Variants in ODAD1 observed in about 807,000 individuals in gnomAD.
ODAD1 encodes outer dynein arm-docking complex subunit 1.
Under a neutral mutation model 67.2 loss-of-function variants are expected in ODAD1, and 49 were observed. The observed-to-expected ratio is 0.73, with a 90% CI of 0.58 to 0.92. The LOEUF (loss-of-function observed/expected upper bound fraction) is 0.92, where lower values mean the gene tolerates loss of function less well. ODAD1 is among the 40% of genes least tolerant of loss of function. The pLI is 0.00. For synonymous variants in ODAD1, 345 were observed against 393.7 expected (o/e 0.88, Z 1.46); for missense variants, 897 against 953.7 (o/e 0.94, Z 0.78).
At chr19:48,314,655 TTG>T (rs1968852158) in intron 5 of ODAD1, among the ~76,000 whole-genome samples, 1 of 152,046 alleles carries the variant, frequency 6.6e-6, no homozygotes, top group South Asian at 2.1e-4. Flanking sequence ...AAATACCCAA[TTG>T]TTGGTGGGCG....
chr19:48,303,037 C>A lies in ODAD1; in HGVS notation c.1047G>T (p.Glu349Asp). 1 of 1,614,102 alleles carries A rather than the reference C, an allele frequency of 6.2e-7. No homozygotes were observed. The highest frequency in any genetic ancestry group is 1.1e-5 in the South Asian group (1 of 91,086). Reference sequence around the variant, plus strand: ...CCTCCTTGATCTCTTCCTGCACATGCTCCAGCTCCAAGTTCTGCTCGTTGA... The same window carrying A: ...CCTCCTTGATCTCTTCCTGCACATGATCCAGCTCCAAGTTCTGCTCGTTGA... ...NFINEQNLEL[E>D]HVQEEIKEMQ... is the part of the protein sequence containing the mutation. The change falls in exon 11 of 16, where the codon GAG (glutamate) becomes GAT (aspartate). Residue 349 changes from glutamate (E) to aspartate (D), a missense_variant. Physicochemically the swap from Glu to Asp is conservative, Grantham distance 45. Coordinates refer to ENST00000674294, the MANE Select transcript of ODAD1 (RefSeq NM_001364171.2).
At chr19:48,308,004 T>C (rs1213646151) in intron 7 of ODAD1, among the ~76,000 whole-genome samples, 1 of 152,066 alleles carries the variant, frequency 6.6e-6, no homozygotes, top group Non-Finnish European at 1.5e-5. Context: ...TGATGGGGTA[T>C]GTCCAAAGGC....
intron 8 of ODAD1, 130 bp from the exon 9 acceptor site, chr19:48,304,270 G>A (rs766995142): frequency 2.7e-5 from 23 of 863,158 alleles, no homozygotes; most frequent in Non-Finnish European, 3.8e-5. Context: ...CAGATGGGCA[G>A]GGCCAGCCTG....
chr19:48,306,184 A>G, intron 8 of ODAD1, 72 bp downstream of exon 8: 2 of 1,544,656 alleles, frequency 1.3e-6, no homozygotes, highest in South Asian at 2.4e-5. Context: ...GAACCTTCCC[A>G]TCACTGCCTT....
At chr19:48,312,823 G>A (rs1968800943) in intron 5 of ODAD1, among the ~76,000 whole-genome samples, 1 of 152,202 alleles carries the variant, frequency 6.6e-6, no homozygotes, top group East Asian at 1.9e-4. Context: ...GGGAGAATGA[G>A]GCCAGTGGAC....
intron 7 of ODAD1, among the ~76,000 whole-genome samples, chr19:48,309,083 A>AC (rs903924663): frequency 2.0e-5 from 3 of 149,912 alleles, no homozygotes; most frequent in Non-Finnish European, 4.4e-5. Context: ...GCACCACCGC[A>AC]CCCCCCTCCC....
intron 7 of ODAD1, among the ~76,000 whole-genome samples, chr19:48,310,978 C>T (rs796289872): frequency 2.0e-5 from 3 of 151,748 alleles, no homozygotes; most frequent in Admixed American, 6.6e-5. Context: ...TTTGGGAGGC[C>T]GAGGAAGGCG....
At chr19:48,311,182 A>C (rs1432601577) in intron 7 of ODAD1, among the ~76,000 whole-genome samples, 2 of 152,212 alleles carry the variant, frequency 1.3e-5, no homozygotes, top group African/African-American at 4.8e-5. Flanking sequence ...ACTGTGCTCC[A>C]GCCTGGACGA....
intron 8 of ODAD1, 169 bp downstream of exon 8, chr19:48,306,087 A>G (rs1238906148): frequency 1.9e-6 from 1 of 534,314 alleles, no homozygotes; most frequent in African/African-American, 2.1e-5. Context: ...GGACCTTGCC[A>G]GTGGAGGTGG....
rs1480754013 is a variant in ODAD1 at position 48,302,797 on chromosome 19, C to T, written c.1137G>A (p.Gln379=). ...KDDQHLLQEQ[Q]QKVLQQRMDK... is the part of the protein sequence containing the mutation. ...CCATGCGCTGCTGCAACACCTTCTG[C>T]TGCTGCTCCTGCAGCAAATGCTGGT... The change falls in exon 12 of 16, where the codon CAG becomes CAA. Residue 379 remains glutamine (Q), a synonymous_variant. Transcript: ENST00000674294. 1.9e-6 allele frequency: 3 copies of T among 1,613,962 alleles called. No individual in the cohort carries two copies. In the South Asian group the frequency reaches 3.3e-5, roughly 18 times the overall value.
At chr19:48,312,424 T>G (rs1353153332) in intron 5 of ODAD1, among the ~76,000 whole-genome samples, 46 of 143,174 alleles carry the variant, frequency 3.2e-4, no homozygotes, top group South Asian at 7.0e-4. Flanking sequence ...TTTTTTTTTT[T>G]TTTTTTTTGA....
intron 7 of ODAD1, among the ~76,000 whole-genome samples, chr19:48,306,822 A>G (rs955962781): frequency 1.3e-5 from 2 of 151,996 alleles, no homozygotes; most frequent in African/African-American, 4.8e-5. Flanking sequence ...CGAGGCGGGC[A>G]GATCACCTGA....
At chr19:48,319,573 G>C in intron 3 of ODAD1, 1 of 287,946 alleles carries the variant, frequency 3.5e-6, no homozygotes, top group African/African-American at 2.3e-5. Context: ...TGTCCCCCAG[G>C]CTCTAGCGCA....
chr19:48,320,071 C>T, intron 3 of ODAD1: 1 of 1,071,484 alleles, frequency 9.3e-7, no homozygotes. Flanking sequence ...ACAGGGAGTT[C>T]TGGGCCCCAC....
chr19:48,311,941 T>G, intron 6 of ODAD1, 53 bp downstream of exon 6: 1 of 1,524,336 alleles, frequency 6.6e-7, no homozygotes, highest in Non-Finnish European at 8.9e-7. Flanking sequence ...CCATGCCCAG[T>G]TCTTCCCATA....
At chr19:48,299,385 T>C (rs1968396592) in intron 12 of ODAD1, among the ~76,000 whole-genome samples, 2 of 152,142 alleles carry the variant, frequency 1.3e-5, no homozygotes, top group South Asian at 4.1e-4. Context: ...CTCTCCAGCC[T>C]GGCTGACAGC....
rs1010024239 is a variant in ODAD1 at position 48,317,838 on chromosome 19, C to T, written c.360+549G>A. Among the ~76,000 whole-genome samples, 4 of 152,098 alleles carry T rather than the reference C, an allele frequency of 2.6e-5. No individual in the cohort carries two copies. The East Asian group carries it at 5.8e-4, about 22-fold the overall frequency. On this transcript the variant is annotated intron_variant, in intron 5 of 15. Transcript: ENST00000674294. ...CTGTAATCTCAGCACTTTGGGAGGC[C>T]GAGGTGGGCGGATCACAAGGTCAGG...
chr19:48,320,089 TCTG>T, intron 3 of ODAD1: 1 of 1,056,932 alleles, frequency 9.5e-7, no homozygotes, highest in Non-Finnish European at 1.2e-6. Context: ...CACTCAAACT[TCTG>T]CTGCCTGAAG....
chr19:48,319,283 A>G (rs1366000055), intron 3 of ODAD1, among the ~76,000 whole-genome samples: 1 of 151,956 alleles, frequency 6.6e-6, no homozygotes, highest in Admixed American at 6.6e-5. Flanking sequence ...GCACAGTCCC[A>G]GAGGGTCTCT....
Sources: allele counts gnomAD v4.1 joint callset (sites outside exome capture counted in the v4.1 genomes callset), GRCh38; gene constraint gnomAD v4.1.1; transcripts MANE v1.5; gene names NCBI Gene and HGNC (gene_info 2026-07-23, HGNC 2026-07-21).